The following OR2AG1 variants were observed in gnomAD, a reference collection of about 807,000 sequenced individuals.
The protein encoded by OR2AG1 is olfactory receptor family 2 subfamily AG member 1.
For missense variants in OR2AG1, 391 were observed against 385.9 expected, an observed-to-expected ratio of 1.01 and a Z score of -0.11; for synonymous variants, 157 against 155.6, an observed-to-expected ratio of 1.01 and a Z score of -0.07.
At position 6,786,221 on chromosome 11, in the gene OR2AG1, T is replaced by G. The variant is rs1310105526; in HGVS notation, c.*233T>G. ...ACTCTTCACTCTATTTAAAATTTAATCTTTATTTTCCCAGGAAGGTATTTA... is the reference window on the plus strand; with the variant it reads ...ACTCTTCACTCTATTTAAAATTTAAGCTTTATTTTCCCAGGAAGGTATTTA... On this transcript the variant is annotated 3_prime_UTR_variant, in exon 2 of 2. Transcript: ENST00000641258. The G allele has an allele frequency of 2.3e-6, 1 of 425,786 alleles. No individual in the cohort carries two copies. The highest frequency in any genetic ancestry group is 3.6e-5 in the East Asian group (1 of 27,888). The allele number at this position is 425,786 out of a possible 1,614,324, so 26.4% of individuals were successfully genotyped here. A position where few individuals can be genotyped will look rare whatever the true frequency, so the allele number is the denominator to read the frequency against.
chr11:6,784,833 TCTC>T (rs1250157891), intron 1 of OR2AG1, among the ~76,000 whole-genome samples, 182 bp from the exon 2 acceptor site: 2 of 152,236 alleles, frequency 1.3e-5, no homozygotes, highest in African/African-American at 4.8e-5. Context: ...TGATGTCTGT[TCTC>T]CATTTAGATG....
chr11:6,788,120 T>C lies in OR2AG1; in HGVS notation c.*2132T>C, dbSNP rs892428821. ...GCTTCTAATATCTGCATGGCAGAGA[T>C]TTTTAGAAAGAGAAATATTTAAAAT... On this transcript the variant is annotated 3_prime_UTR_variant, in exon 2 of 2. Coordinates refer to ENST00000641258, the MANE Select transcript of OR2AG1 (RefSeq NM_001004489.3). 2 of 152,132 alleles carry C rather than the reference T, an allele frequency of 1.3e-5. No individual in the cohort carries two copies. The highest frequency in any genetic ancestry group is 1.3e-4 in the Admixed American group (2 of 15,282). The allele number at this position is 152,132 out of a possible 1,614,324, so 9.4% of individuals were successfully genotyped here.
Position 6,788,644 on chromosome 11 carries a change from C to T in OR2AG1, c.*2656C>T, listed in dbSNP as rs1461039414. On this transcript the variant is annotated 3_prime_UTR_variant, in exon 2 of 2. Transcript: ENST00000641258. ...TTGCCTTCCTGAACATGGTGCATGA[C>T]TATACTTCTGGAACCTAGTCTCAGT... The T allele has an allele frequency of 1.3e-5, 2 of 152,116 alleles. No individual in the cohort carries two copies. Among genetic ancestry groups the T allele is most frequent in the Non-Finnish European group, 2.9e-5 (2 of 68,022 alleles). The allele number at this position is 152,116 out of a possible 1,614,324, so 9.4% of individuals were successfully genotyped here. A position where few individuals can be genotyped will look rare whatever the true frequency, so the allele number is the denominator to read the frequency against.
Position 6,786,036 on chromosome 11 carries a change from A to G in OR2AG1, c.*48A>G. ...AGAATTCCTTCTCCTGAGAGTCAAAAGATTCATGTTATGAATCAAATACTA... is the reference window on the plus strand; with the variant it reads ...AGAATTCCTTCTCCTGAGAGTCAAAGGATTCATGTTATGAATCAAATACTA... On this transcript the variant is annotated 3_prime_UTR_variant, in exon 2 of 2. Transcript: ENST00000641258. 1 of 1,432,118 alleles carries G rather than the reference A, an allele frequency of 7.0e-7. No individual in the cohort carries two copies. Among genetic ancestry groups the G allele is most frequent in the Non-Finnish European group, 9.6e-7 (1 of 1,038,418 alleles). 88.7% of individuals were successfully genotyped at this position (1,432,118 alleles called of 1,614,324 possible).
Position 6,785,679 on chromosome 11 carries a change from A to G in OR2AG1, c.642A>G (p.Ile214Met). 1 of 1,614,052 alleles carries G rather than the reference A, an allele frequency of 6.2e-7. No individual in the cohort carries two copies. Among genetic ancestry groups the G allele is most frequent in the Non-Finnish European group, 8.5e-7 (1 of 1,179,988 alleles). ...TCCTGATTCCCTCTCTTGCTGCTAT[A>G]CTGGCCTCCTATACACAAATTCTAC... ...VTFLIPSLAA[I>M]LASYTQILLT... The change falls in exon 2 of 2, where the codon ATA becomes ATG. Residue 214 changes from isoleucine to methionine, a missense_variant. Transcript: ENST00000641258.
Position 6,786,050 on chromosome 11 carries a change from A to C in OR2AG1, c.*62A>C, listed in dbSNP as rs1847624545. 7.7e-7 allele frequency: 1 copy of C among 1,294,012 alleles called. No individual in the cohort carries two copies. Among genetic ancestry groups the C allele is most frequent in the Non-Finnish European group, 1.1e-6 (1 of 919,902 alleles). 80.2% of individuals were successfully genotyped at this position (1,294,012 alleles called of 1,614,324 possible). A position where few individuals can be genotyped will look rare whatever the true frequency, so the allele number is the denominator to read the frequency against. On this transcript the variant is annotated 3_prime_UTR_variant, in exon 2 of 2. Transcript: ENST00000641258. ...TGAGAGTCAAAAGATTCATGTTATG[A>C]ATCAAATACTAATGGTAAAACCAAT...
Position 6,788,710 on chromosome 11 carries a change from A to C in OR2AG1, c.*2722A>C, listed in dbSNP as rs1055965086. ...CATTCCACACCATCATTCTAAGCTG[A>C]TGCCTTGCCTCACACTTCACTAGAA... On this transcript the variant is annotated 3_prime_UTR_variant, in exon 2 of 2. Coordinates refer to ENST00000641258, the MANE Select transcript of OR2AG1 (RefSeq NM_001004489.3). The C allele has an allele frequency of 1.3e-5, 2 of 152,126 alleles. No individual in the cohort carries two copies. The highest frequency in any genetic ancestry group is 2.9e-5 in the Non-Finnish European group (2 of 68,054). The allele number at this position is 152,126 out of a possible 1,614,324, so 9.4% of individuals were successfully genotyped here. A position where few individuals can be genotyped will look rare whatever the true frequency, so the allele number is the denominator to read the frequency against.
In OR2AG1 at chr11:6,786,115, T is replaced by A; in HGVS notation, c.*127T>A. ...AGCATTTAATAGAAAAGTGAAGGAATGTAACTGGATTTGTCAAATGCTCTT... is the reference window on the plus strand; with the variant it reads ...AGCATTTAATAGAAAAGTGAAGGAAAGTAACTGGATTTGTCAAATGCTCTT... On this transcript the variant is annotated 3_prime_UTR_variant, in exon 2 of 2. Coordinates refer to ENST00000641258, the MANE Select transcript of OR2AG1 (RefSeq NM_001004489.3). The A allele has an allele frequency of 1.4e-6, 1 of 691,492 alleles. No homozygotes were observed. The highest frequency in any genetic ancestry group is 2.4e-6 in the Non-Finnish European group (1 of 423,832). The allele number at this position is 691,492 out of a possible 1,614,324, so 42.8% of individuals were successfully genotyped here.
chr11:6,789,826 T>C lies in OR2AG1; in HGVS notation c.*3838T>C, dbSNP rs548562504. 132 of 152,296 alleles carry C rather than the reference T, an allele frequency of 8.7e-4. No individual in the cohort carries two copies. The highest frequency in any genetic ancestry group is 3.1e-3 in the African/African-American group (129 of 41,546). 9.4% of individuals were successfully genotyped at this position (152,296 alleles called of 1,614,324 possible). ...TGGGAATGTAAAATGGTACAGCCATTATGGAAAACAGTATGGAGGTCTAAA... is the reference window on the plus strand; with the variant it reads ...TGGGAATGTAAAATGGTACAGCCATCATGGAAAACAGTATGGAGGTCTAAA... On this transcript the variant is annotated 3_prime_UTR_variant, in exon 2 of 2. Transcript: ENST00000641258.
chr11:6,784,451 C>A (rs1847601635), intron 1 of OR2AG1, among the ~76,000 whole-genome samples: 1 of 152,222 alleles, frequency 6.6e-6, no homozygotes, highest in South Asian at 2.1e-4. Context: ...TATCCCTTCT[C>A]TCTCAAGCTT....
At chr11:6,784,298 A>G (rs1210037100) in intron 1 of OR2AG1, among the ~76,000 whole-genome samples, 1 of 152,170 alleles carries the variant, frequency 6.6e-6, no homozygotes, top group Non-Finnish European at 1.5e-5. Context: ...GAAAGCCCTC[A>G]TATGTTATAT....
In OR2AG1 at chr11:6,785,453, G is replaced by A; in HGVS notation, c.416G>A (p.Arg139Lys). Residue 139 changes from arginine (R) to lysine (K), a missense_variant, in exon 2 of 2, where the codon AGA becomes AAA. By Grantham distance (26) the Arg-to-Lys change is conservative (BLOSUM62 2). Transcript: ENST00000641258. ...ACATACATGACCCTCATGAGCTCAAGAGCCTGCTGGCTCATGGTGGCCACG... is the reference window on the plus strand; with the variant it reads ...ACATACATGACCCTCATGAGCTCAAAAGCCTGCTGGCTCATGGTGGCCACG... Reference protein sequence around the residue: ...PLTYMTLMSSRACWLMVATSW... With the variant: ...PLTYMTLMSSKACWLMVATSW... 6.2e-7 allele frequency: 1 copy of A among 1,614,136 alleles called. No homozygotes were observed. The highest frequency in any genetic ancestry group is 8.5e-7 in the Non-Finnish European group (1 of 1,180,024).
At position 6,788,091 on chromosome 11, in the gene OR2AG1, T is replaced by A. The variant is rs1490121034; in HGVS notation, c.*2103T>A. On this transcript the variant is annotated 3_prime_UTR_variant, in exon 2 of 2. Coordinates refer to ENST00000641258, the MANE Select transcript of OR2AG1 (RefSeq NM_001004489.3). ...GTAATAACTTCTTTTCAATTTGTTA[T>A]TTGGCTTCTAATATCTGCATGGCAG... 6.6e-6 allele frequency: 1 copy of A among 152,156 alleles called. No individual in the cohort carries two copies. The highest frequency in any genetic ancestry group is 6.5e-5 in the Admixed American group (1 of 15,286). The allele number at this position is 152,156 out of a possible 1,614,324, so 9.4% of individuals were successfully genotyped here.
rs1847684710 is a variant in OR2AG1, at chr11:6,791,118, A to T, written c.*5130A>T. Reference sequence around the variant, plus strand: ...TGCAGGGAGCTGAAGCAAGGGACTGAAAAAATGAGAAGTCTTAGAAAATGT... The same window carrying T: ...TGCAGGGAGCTGAAGCAAGGGACTGTAAAAATGAGAAGTCTTAGAAAATGT... On this transcript the variant is annotated 3_prime_UTR_variant, in exon 2 of 2. Transcript: ENST00000641258. The T allele has an allele frequency of 6.6e-6, 1 of 152,236 alleles. No homozygotes were observed. Among genetic ancestry groups the T allele is most frequent in the African/African-American group, 2.4e-5 (1 of 41,454 alleles). 9.4% of individuals were successfully genotyped at this position (152,236 alleles called of 1,614,324 possible).
Position 6,788,298 on chromosome 11 carries a change from GTTTAAC to G in OR2AG1, c.*2317_*2322del, listed in dbSNP as rs939460299. The G allele has an allele frequency of 7.2e-5, 11 of 151,984 alleles. No individual in the cohort carries two copies. The highest frequency in any genetic ancestry group is 4.2e-4 in the South Asian group (2 of 4,818). 9.4% of individuals were successfully genotyped at this position (151,984 alleles called of 1,614,324 possible). A position where few individuals can be genotyped will look rare whatever the true frequency, so the allele number is the denominator to read the frequency against. ...TTTTATGTGTTTTGTCACTCTATAT[GTTTAAC>G]TTTAACAATAAATGTCAAACTTATC... On this transcript the variant is annotated 3_prime_UTR_variant, in exon 2 of 2. Transcript: ENST00000641258.
chr11:6,784,915 G>C (rs1291346784), intron 1 of OR2AG1, 103 bp from the exon 2 acceptor site: 2 of 605,336 alleles, frequency 3.3e-6, no homozygotes, highest in Non-Finnish European at 5.8e-6. Flanking sequence ...GTTATCAGTG[G>C]AAAGGGTAAC....
At position 6,787,297 on chromosome 11, in the gene OR2AG1, G is replaced by C. The variant is rs1045058434; in HGVS notation, c.*1309G>C. On this transcript the variant is annotated 3_prime_UTR_variant, in exon 2 of 2. Coordinates refer to ENST00000641258, the MANE Select transcript of OR2AG1 (RefSeq NM_001004489.3). ...AGTATACAGCACTGCAAAGAGTCTA[G>C]GGTCAGCTATCAGCGTACAGAAGTT... 1.3e-5 allele frequency: 2 copies of C among 152,072 alleles called. No homozygotes were observed. Among genetic ancestry groups the C allele is most frequent in the Non-Finnish European group, 2.9e-5 (2 of 68,000 alleles). The allele number at this position is 152,072 out of a possible 1,614,324, so 9.4% of individuals were successfully genotyped here.
Position 6,790,841 on chromosome 11 carries a change from G to C in OR2AG1, c.*4853G>C, listed in dbSNP as rs903421114. 6.6e-6 allele frequency: 1 copy of C among 152,220 alleles called. No individual in the cohort carries two copies. The highest frequency in any genetic ancestry group is 1.5e-5 in the Non-Finnish European group (1 of 68,074). The allele number at this position is 152,220 out of a possible 1,614,324, so 9.4% of individuals were successfully genotyped here. A position where few individuals can be genotyped will look rare whatever the true frequency, so the allele number is the denominator to read the frequency against. The stretch of plus-strand genomic sequence containing the variant: ...GATAATAATTCCTCCTCAGTGACAA[G>C]AGGCCCCACCACTGCTTTGGACTCC... On this transcript the variant is annotated 3_prime_UTR_variant, in exon 2 of 2. Transcript: ENST00000641258.
chr11:6,785,109 T>A lies in OR2AG1; in HGVS notation c.72T>A (p.Pro24=), dbSNP rs774469802. 1.9e-6 allele frequency: 3 copies of A among 1,614,122 alleles called. No individual in the cohort carries two copies. Among genetic ancestry groups the A allele is most frequent in the Non-Finnish European group, 2.5e-6 (3 of 1,179,966 alleles). The part of the protein sequence containing the change: ...LVGILNDSGS[P]ELLCATITIL... ...GGATTCTGAATGACAGTGGGTCTCC[T>A]GAACTGCTCTGTGCTACAATTACAA... Residue 24 remains proline (P), a synonymous_variant, in exon 2 of 2, where the codon CCT becomes CCA. Transcript: ENST00000641258.
Sources: gnomAD v4.1 joint callset for allele counts (sites outside exome capture counted in the v4.1 genomes callset) on GRCh38, gnomAD v4.1.1 for gene constraint, MANE v1.5 for transcripts, NCBI Gene and HGNC (gene_info 2026-07-23, HGNC 2026-07-21) for gene names.